Variants in PCED1B observed in about 807,000 individuals in gnomAD.
PCED1B encodes the protein PC-esterase domain-containing protein 1B.
For synonymous variants in PCED1B, 251 were observed against 246.1 expected, an observed-to-expected ratio of 1.02 and a Z score of -0.19; for missense variants, 573 against 573.9, an observed-to-expected ratio of 1.00 and a Z score of 0.02.
intron 2 of PCED1B, among the ~76,000 whole-genome samples, chr12:47,183,311 A>G (rs1337604277): frequency 6.6e-6 from 1 of 152,212 alleles, no homozygotes; most frequent in Non-Finnish European, 1.5e-5. Flanking sequence ...CTGTCTAGGG[A>G]TGGAATTTCT....
rs2137931551 is a variant in PCED1B, at chr12:47,236,357, C to T, written c.1294C>T (p.Gln432Ter). ...RAPANPEPRP[Q>*] ...CCCAGCCAATCCTGAGCCAAGGCCT[C>T]AATAGACGGACCTAGGCCTTATTTC... Residue 432 changes from glutamine to a stop codon, truncating the protein, a stop_gained, in exon 4 of 4, where the codon CAA (glutamine) becomes TAA (stop). Transcript: ENST00000546455. LOFTEE classifies it high-confidence loss of function. The T allele has an allele frequency of 6.3e-7, 1 of 1,588,488 alleles. No homozygotes were observed. The highest frequency in any genetic ancestry group is 1.7e-4 in the Middle Eastern group (1 of 5,908).
intron 2 of PCED1B, among the ~76,000 whole-genome samples, chr12:47,212,135 G>A (rs1434421675): frequency 1.3e-5 from 2 of 151,536 alleles, no homozygotes; most frequent in African/African-American, 4.9e-5. Flanking sequence ...GCAGGGCATG[G>A]TGGCTCACTC....
chr12:47,146,791 G>T (rs904897041), intron 2 of PCED1B, among the ~76,000 whole-genome samples: 3 of 152,050 alleles, frequency 2.0e-5, no homozygotes, highest in Admixed American at 6.6e-5. Context: ...TGTGATATTT[G>T]CTTTATTGCA....
At chr12:47,210,438 A>C (rs1215296178) in intron 2 of PCED1B, 1 of 152,226 alleles carries the variant, frequency 6.6e-6, no homozygotes, top group Non-Finnish European at 1.5e-5. Context: ...CAGATAAATG[A>C]AAGTAATGTC....
intron 2 of PCED1B, among the ~76,000 whole-genome samples, chr12:47,129,078 A>G (rs2137344748): frequency 6.6e-6 from 1 of 152,296 alleles, no homozygotes; most frequent in South Asian, 2.1e-4. Flanking sequence ...TCCTGCCTTA[A>G]CAAACTAATT....
intron 3 of PCED1B, among the ~76,000 whole-genome samples, chr12:47,227,444 C>T (rs1024061582): frequency 6.6e-6 from 1 of 151,682 alleles, no homozygotes. Context: ...AAGTGCTGGG[C>T]TTACAGGCGA....
chr12:47,130,515 A>G (rs1399308064), intron 2 of PCED1B, among the ~76,000 whole-genome samples: 1 of 152,130 alleles, frequency 6.6e-6, no homozygotes, highest in African/African-American at 2.4e-5. Context: ...CATCCCTACA[A>G]AAATAAAATA....
intron 2 of PCED1B, among the ~76,000 whole-genome samples, chr12:47,185,995 G>A (rs796327158): frequency 2.0e-5 from 3 of 151,888 alleles, no homozygotes; most frequent in African/African-American, 4.8e-5. Context: ...CAAGGTGGGC[G>A]GATCACGAGG....
intron 2 of PCED1B, among the ~76,000 whole-genome samples, chr12:47,177,964 T>A (rs1423866455): frequency 6.6e-6 from 1 of 152,060 alleles, no homozygotes; most frequent in Non-Finnish European, 1.5e-5. Context: ...AAGTTTGAGA[T>A]TCTGGCCATG....
chr12:47,216,980 A>G (rs993368553), intron 3 of PCED1B, among the ~76,000 whole-genome samples: 1 of 152,234 alleles, frequency 6.6e-6, no homozygotes, highest in Non-Finnish European at 1.5e-5. Flanking sequence ...GCAATCTTGT[A>G]TGTTGTGGTT....
At chr12:47,181,373 ATT>A (rs61594383) in intron 2 of PCED1B, among the ~76,000 whole-genome samples, 41,147 of 145,270 alleles carry the variant, frequency 0.28, 6,060 homozygotes, top group East Asian at 0.58. Context: ...TTCTTTCATT[ATT>A]TTTTTTTTTT....
intron 2 of PCED1B, among the ~76,000 whole-genome samples, chr12:47,162,806 C>A (rs1941429582): frequency 6.6e-6 from 1 of 152,230 alleles, no homozygotes; most frequent in Non-Finnish European, 1.5e-5. Context: ...TAGGCCCTAC[C>A]TCCAATATTG....
intron 2 of PCED1B, among the ~76,000 whole-genome samples, chr12:47,115,124 T>C (rs1177106237): frequency 1.3e-5 from 2 of 152,182 alleles, no homozygotes; most frequent in Non-Finnish European, 2.9e-5. Flanking sequence ...AATACTTATA[T>C]AAATGAATAA....
intron 2 of PCED1B, among the ~76,000 whole-genome samples, chr12:47,167,275 G>A (rs745910856): frequency 3.3e-5 from 5 of 151,940 alleles, no homozygotes; most frequent in Non-Finnish European, 7.4e-5. Context: ...TATTTTGGGG[G>A]GTGTAGCATA....
intron 2 of PCED1B, among the ~76,000 whole-genome samples, chr12:47,113,899 C>T (rs951407471): frequency 2.0e-5 from 3 of 150,916 alleles, no homozygotes; most frequent in African/African-American, 4.9e-5. Context: ...TGTAGTGAGA[C>T]GAGATTGCGC....
At chr12:47,130,989 C>A (rs971621570) in intron 2 of PCED1B, among the ~76,000 whole-genome samples, 5 of 152,146 alleles carry the variant, frequency 3.3e-5, no homozygotes, top group Non-Finnish European at 7.3e-5. Flanking sequence ...TAAGTCAGTG[C>A]ATACTTGTAT....
chr12:47,193,442 A>C (rs1942508064), intron 2 of PCED1B, among the ~76,000 whole-genome samples: 1 of 152,152 alleles, frequency 6.6e-6, no homozygotes, highest in South Asian at 2.1e-4. Context: ...TCATTGTTTC[A>C]GCCCATCACC....
rs548146842 is a variant in PCED1B, at chr12:47,094,767, C to T, written c.-608-9346C>T. On this transcript the variant is annotated intron_variant, in intron 1 of 3. Transcript: ENST00000546455. ...TACATATATTTTATACTACAAACGA[C>T]GTTATAATTACTGTCTTTTATAATC... Among the ~76,000 whole-genome samples the T allele has an allele frequency of 2.4e-4, 37 of 152,174 alleles. 1 individual carries two copies. The highest frequency in any genetic ancestry group is 3.4e-3 in the Middle Eastern group (1 of 294).
chr12:47,148,776 T>A (rs985142046), intron 2 of PCED1B, among the ~76,000 whole-genome samples: 2 of 152,240 alleles, frequency 1.3e-5, no homozygotes, highest in Non-Finnish European at 2.9e-5. Context: ...TTAATTCAGA[T>A]GTGACTACTC....
Sources: allele counts gnomAD v4.1 joint callset (sites outside exome capture counted in the v4.1 genomes callset), GRCh38; gene constraint gnomAD v4.1.1; transcripts MANE v1.5; gene names NCBI Gene and HGNC (gene_info 2026-07-23, HGNC 2026-07-21).